Variants in USP9Y observed in about 807,000 individuals in gnomAD.
USP9Y encodes the protein ubiquitin specific peptidase 9 Y-linked, also known as ubiquitin carboxyl-terminal hydrolase 9Y.
USP9Y carries 41 observed loss-of-function variants against 53.1 expected under a neutral mutation model. The observed-to-expected ratio is 0.77, with a 90% CI of 0.60 to 1.00. The LOEUF is 1.00. Among genes scored for constraint, USP9Y ranks in the 50% least tolerant of loss-of-function variants. The probability of loss-of-function intolerance (pLI) is 0.00; values close to 1 mark genes in which losing one functional copy is unlikely to be tolerated. For synonymous variants in USP9Y, 220 were observed against 173.7 expected (o/e 1.27, Z -2.09); for missense variants, 567 against 535.8 (o/e 1.06, Z -0.58).
At chrY:12,708,778 T>C (rs537070061) in intron 2 of USP9Y, 85 bp downstream of exon 2, 1 of 34,022 alleles carries the variant, frequency 2.9e-5, no homozygotes, top group Non-Finnish European at 7.3e-5. Flanking sequence ...CATAACTGCT[T>C]GTACAATAGT....
chrY:12,790,076 CAT>C (rs2053506007), intron 24 of USP9Y, among the ~76,000 whole-genome samples: 1 of 33,390 alleles, frequency 3.0e-5, no homozygotes, highest in Non-Finnish European at 7.4e-5. Context: ...TGTTGATGGG[CAT>C]TTGGATTGTT....
intron 12 of USP9Y, 41 bp downstream of exon 12, chrY:12,739,670 T>C (rs2053455762): frequency 3.7e-6 from 1 of 273,057 alleles, no homozygotes; most frequent in East Asian, 1.0e-4. Context: ...ATAGTAAATA[T>C]TGCCAGTTAA....
chrY:12,853,713 T>C, intron 42 of USP9Y, among the ~76,000 whole-genome samples: 2 of 33,974 alleles, frequency 5.9e-5, no homozygotes, highest in Admixed American at 2.7e-4. Flanking sequence ...TTAGGTTTTG[T>C]CTTCCATTTA....
Position 12,842,417 on chromosome Y carries a change from A to G in USP9Y, c.6390A>G (p.Gln2130=). The part of the protein sequence containing the change: ...LIVFIAHFSL[Q]DGSCPSPFAS... ...TGTTTATTGCACACTTTTCCTTGCA[A>G]GATGGGTCTTGTCCTTCTCCTTTTG... Residue 2130 remains glutamine, a synonymous_variant, in exon 38 of 46, where the codon CAA becomes CAG. Transcript: ENST00000338981. 2.5e-6 allele frequency: 1 copy of G among 398,115 alleles called. No individual in the cohort carries two copies. The highest frequency in any genetic ancestry group is 3.5e-6 in the Non-Finnish European group (1 of 283,262).
chrY:12,815,198 A>G, intron 31 of USP9Y, among the ~76,000 whole-genome samples: 1 of 34,202 alleles, frequency 2.9e-5, no homozygotes. Context: ...AGTGAATTCA[A>G]TACACTTAGG....
intron 24 of USP9Y, among the ~76,000 whole-genome samples, chrY:12,788,971 C>T (rs760326757): frequency 3.6e-3 from 117 of 32,536 alleles, no homozygotes; most frequent in Admixed American, 0.016. Flanking sequence ...CCACCCACCT[C>T]GGCCTTCCAA....
At chrY:12,828,439 A>C (rs775066517) in intron 33 of USP9Y, among the ~76,000 whole-genome samples, 1 of 33,856 alleles carries the variant, frequency 3.0e-5, no homozygotes, top group East Asian at 7.7e-4. Context: ...ACTAAAAAGG[A>C]AACTTATATG....
chrY:12,757,776 G>A, intron 13 of USP9Y, among the ~76,000 whole-genome samples: 5 of 33,401 alleles, frequency 1.5e-4, no homozygotes, highest in African/African-American at 4.7e-4. Context: ...GTCAGCCACC[G>A]CACCCAGCCT....
At chrY:12,739,672 G>T (rs2053455774) in intron 12 of USP9Y, 43 bp downstream of exon 12, 1 of 267,213 alleles carries the variant, frequency 3.7e-6, no homozygotes, top group Non-Finnish European at 5.9e-6. Flanking sequence ...AGTAAATATT[G>T]CCAGTTAATT....
At chrY:12,804,645 T>C in intron 27 of USP9Y, among the ~76,000 whole-genome samples, 7 of 33,660 alleles carry the variant, frequency 2.1e-4, no homozygotes, top group Non-Finnish European at 3.7e-4. Context: ...AGTTTATCAT[T>C]ACAGCACTTG....
chrY:12,713,943 A>AGTG (rs2053428117), intron 3 of USP9Y, among the ~76,000 whole-genome samples: 2 of 19,507 alleles, frequency 1.0e-4, no homozygotes, highest in African/African-American at 4.3e-4. Context: ...CCCAGGCTGG[A>AGTG]GTGCAGTGGT....
chrY:12,747,165 C>T, intron 12 of USP9Y, among the ~76,000 whole-genome samples: 1 of 34,022 alleles, frequency 2.9e-5, no homozygotes, highest in Admixed American at 2.7e-4. Flanking sequence ...ATAGACATCA[C>T]ATACATATCA....
chrY:12,804,996 G>A, intron 27 of USP9Y, among the ~76,000 whole-genome samples: 1 of 32,610 alleles, frequency 3.1e-5, no homozygotes, highest in Non-Finnish European at 7.5e-5. Flanking sequence ...TATCAATGCG[G>A]GTCTTTAGTT....
At chrY:12,808,378 C>T in intron 27 of USP9Y, among the ~76,000 whole-genome samples, 9 of 33,875 alleles carry the variant, frequency 2.7e-4, no homozygotes, top group Non-Finnish European at 5.9e-4. Context: ...CTTCTTTACT[C>T]CTTCTAGAAT....
At chrY:12,743,644 A>G (rs2053458412) in intron 12 of USP9Y, among the ~76,000 whole-genome samples, 1 of 33,127 alleles carries the variant, frequency 3.0e-5, no homozygotes, top group Non-Finnish European at 7.4e-5. Flanking sequence ...TAAATTTCAG[A>G]TCTTCACATT....
At chrY:12,707,452 T>C in intron 1 of USP9Y, among the ~76,000 whole-genome samples, 1 of 34,063 alleles carries the variant, frequency 2.9e-5, no homozygotes, top group African/African-American at 1.1e-4. Flanking sequence ...TGTTTCTACT[T>C]ACCTGTGAAG....
At chrY:12,819,384 T>A in intron 33 of USP9Y, among the ~76,000 whole-genome samples, 2 of 33,351 alleles carry the variant, frequency 6.0e-5, no homozygotes, top group Admixed American at 5.5e-4. Flanking sequence ...GGCAAAACTT[T>A]GTCTCTACAA....
chrY:12,741,405 G>A (rs760851719), intron 12 of USP9Y, among the ~76,000 whole-genome samples: 1 of 32,689 alleles, frequency 3.1e-5, no homozygotes, highest in South Asian at 7.0e-4. Flanking sequence ...TCAGTTCTTC[G>A]TGGGCTGCAG....
intron 7 of USP9Y, among the ~76,000 whole-genome samples, chrY:12,734,589 A>G: frequency 3.0e-5 from 1 of 33,816 alleles, no homozygotes; most frequent in Non-Finnish European, 7.3e-5. Flanking sequence ...AGGTAGGAAA[A>G]TATAATATTA....
Sources: gnomAD v4.1 joint callset for allele counts (sites outside exome capture counted in the v4.1 genomes callset) on GRCh38, gnomAD v4.1.1 for gene constraint, MANE v1.5 for transcripts, NCBI Gene and HGNC (gene_info 2026-07-23, HGNC 2026-07-21) for gene names.